The following CCSER1 variants were observed in gnomAD, a reference collection of about 807,000 sequenced individuals.
The protein encoded by CCSER1 is serine-rich coiled-coil domain-containing protein 1.
A neutral mutation model predicts 82.0 loss-of-function variants in CCSER1; 41 were observed. The observed-to-expected ratio is 0.50, with a 90% CI of 0.39 to 0.65. The LOEUF (loss-of-function observed/expected upper bound fraction) is 0.65, where lower values mean the gene tolerates loss of function less well. CCSER1 is among the 30% of genes least tolerant of loss of function. The probability of loss-of-function intolerance (pLI) is 0.00; values close to 1 mark genes in which losing one functional copy is unlikely to be tolerated. For synonymous variants in CCSER1, 414 were observed against 383.9 expected (o/e 1.08, Z -0.92); for missense variants, 1,119 against 1,064.2 (o/e 1.05, Z -0.72).
At chr4:91,348,586 G>T (rs1173072236) in intron 10 of CCSER1, among the ~76,000 whole-genome samples, 1 of 152,122 alleles carries the variant, frequency 6.6e-6, no homozygotes, top group African/African-American at 2.4e-5. Context: ...ATTCATCTGA[G>T]CTTGGTGCTT....
At chr4:91,175,495 A>G in intron 10 of CCSER1, among the ~76,000 whole-genome samples, 1 of 152,086 alleles carries the variant, frequency 6.6e-6, no homozygotes, top group Admixed American at 6.6e-5. Context: ...TTGTTTCCTG[A>G]CTTTTTAATG....
intron 10 of CCSER1, among the ~76,000 whole-genome samples, chr4:91,267,663 CT>C (rs1484714283): frequency 6.6e-6 from 1 of 152,088 alleles, no homozygotes; most frequent in Non-Finnish European, 1.5e-5. Flanking sequence ...AGATAAGTGT[CT>C]TTTGGGAAAT....
At chr4:90,132,798 A>G (rs968489414) in intron 1 of CCSER1, among the ~76,000 whole-genome samples, 3 of 152,210 alleles carry the variant, frequency 2.0e-5, no homozygotes, top group African/African-American at 7.2e-5. Context: ...TTTACACTGC[A>G]CTAACTCTTT....
chr4:91,152,910 G>A (rs1479402505), intron 10 of CCSER1, among the ~76,000 whole-genome samples: 1 of 151,918 alleles, frequency 6.6e-6, no homozygotes, highest in Non-Finnish European at 1.5e-5. Flanking sequence ...CCCTATTTGG[G>A]TAACCCATCC....
At chr4:91,289,428 A>G (rs777216184) in intron 10 of CCSER1, among the ~76,000 whole-genome samples, 7 of 152,130 alleles carry the variant, frequency 4.6e-5, no homozygotes, top group Non-Finnish European at 8.8e-5. Flanking sequence ...GGGAATTAAA[A>G]TAATTACAAT....
At chr4:90,534,255 G>C (rs181581767) in intron 5 of CCSER1, among the ~76,000 whole-genome samples, 1 of 152,066 alleles carries the variant, frequency 6.6e-6, no homozygotes, top group Admixed American at 6.5e-5. Flanking sequence ...TCAGCCTCCC[G>C]AGTAGCTGGG....
At chr4:90,615,323 A>G (rs2148844458) in intron 5 of CCSER1, among the ~76,000 whole-genome samples, 1 of 152,288 alleles carries the variant, frequency 6.6e-6, no homozygotes, top group East Asian at 1.9e-4. Flanking sequence ...CTTCATATTT[A>G]AGAAATACAC....
At chr4:90,961,237 C>T (rs1014930492) in intron 9 of CCSER1, among the ~76,000 whole-genome samples, 2 of 152,112 alleles carry the variant, frequency 1.3e-5, no homozygotes, top group Non-Finnish European at 1.5e-5. Flanking sequence ...AGATCCCCTT[C>T]TTTTCCCTAT....
intron 9 of CCSER1, among the ~76,000 whole-genome samples, chr4:90,987,337 A>G (rs971853636): frequency 9.3e-5 from 14 of 151,170 alleles, no homozygotes; most frequent in African/African-American, 3.4e-4. Flanking sequence ...TCATGTGACT[A>G]TTTTACAATT....
intron 9 of CCSER1, among the ~76,000 whole-genome samples, chr4:91,036,153 G>C (rs887695126): frequency 2.0e-5 from 3 of 152,120 alleles, no homozygotes; most frequent in Admixed American, 1.3e-4. Flanking sequence ...AAGTGCTACA[G>C]TATATGAGAC....
intron 9 of CCSER1, among the ~76,000 whole-genome samples, chr4:90,934,945 C>T (rs1730743963): frequency 6.6e-6 from 1 of 152,038 alleles, no homozygotes; most frequent in Non-Finnish European, 1.5e-5. Flanking sequence ...CACACACGCA[C>T]ACACACAGAC....
At chr4:91,531,055 G>A (rs1334865068) in intron 10 of CCSER1, among the ~76,000 whole-genome samples, 1 of 151,822 alleles carries the variant, frequency 6.6e-6, no homozygotes, top group Admixed American at 6.6e-5. Flanking sequence ...AGATGTACTA[G>A]GTACTTTATG....
chr4:91,159,689 A>C (rs1428074554), intron 10 of CCSER1, among the ~76,000 whole-genome samples: 1 of 151,900 alleles, frequency 6.6e-6, no homozygotes, highest in Non-Finnish European at 1.5e-5. Context: ...TATTTTTAAA[A>C]ATTAGAATCA....
intron 9 of CCSER1, among the ~76,000 whole-genome samples, chr4:91,055,618 G>A (rs980846933): frequency 6.6e-6 from 1 of 152,086 alleles, no homozygotes; most frequent in Non-Finnish European, 1.5e-5. Flanking sequence ...GTCTCAATGT[G>A]TGCTTGAGTT....
At chr4:90,686,816 C>G (rs1381047702) in intron 6 of CCSER1, among the ~76,000 whole-genome samples, 1 of 152,120 alleles carries the variant, frequency 6.6e-6, no homozygotes, top group African/African-American at 2.4e-5. Context: ...CTTGCTTTAT[C>G]TCCTCTCCTC....
intron 4 of CCSER1, among the ~76,000 whole-genome samples, chr4:90,412,919 A>G (rs923872965): frequency 1.3e-5 from 2 of 152,146 alleles, no homozygotes; most frequent in African/African-American, 2.4e-5. Flanking sequence ...CCATCAGACA[A>G]GAGAAAGAAA....
intron 5 of CCSER1, among the ~76,000 whole-genome samples, chr4:90,473,140 A>G (rs1200285737): frequency 6.6e-6 from 1 of 152,190 alleles, no homozygotes; most frequent in Non-Finnish European, 1.5e-5. Flanking sequence ...ATTTCATGAA[A>G]TGTACATAGA....
At chr4:90,369,644 C>A (rs1747023298) in intron 3 of CCSER1, among the ~76,000 whole-genome samples, 1 of 151,864 alleles carries the variant, frequency 6.6e-6, no homozygotes, top group Non-Finnish European at 1.5e-5. Flanking sequence ...TGGGAGTGTA[C>A]TAATATAAAT....
intron 3 of CCSER1, among the ~76,000 whole-genome samples, chr4:90,321,764 G>T (rs952206728): frequency 6.6e-6 from 1 of 151,910 alleles, no homozygotes; most frequent in Non-Finnish European, 1.5e-5. Context: ...CTTTTTATAT[G>T]CCTGTTGTCC....
Sources: allele counts gnomAD v4.1 joint callset (sites outside exome capture counted in the v4.1 genomes callset), GRCh38; gene constraint gnomAD v4.1.1; transcripts MANE v1.5; gene names NCBI Gene and HGNC (gene_info 2026-07-23, HGNC 2026-07-21).